Variants in LDB2 observed in about 807,000 individuals in gnomAD.
The protein encoded by LDB2 is LIM domain-binding protein 2.
Under a neutral mutation model 44.3 loss-of-function variants are expected in LDB2, and 12 were observed. That is an observed-to-expected ratio of 0.27 (90% confidence interval 0.17 to 0.44). LDB2 has a LOEUF of 0.44. Ranked by LOEUF, LDB2 falls within the 20% of genes least tolerant of loss-of-function variation. The pLI is 1.00. For synonymous variants in LDB2, 164 were observed against 174.8 expected (o/e 0.94, Z 0.49); for missense variants, 344 against 473.5 (o/e 0.73, Z 2.54).
chr4:16,785,293 G>A (rs1406850730), intron 1 of LDB2, among the ~76,000 whole-genome samples: 1 of 152,130 alleles, frequency 6.6e-6, no homozygotes, highest in East Asian at 1.9e-4. Context: ...AGCAGAGACT[G>A]AAGCAGGCAC....
chr4:16,581,895 GA>G (rs1169222100), intron 5 of LDB2, among the ~76,000 whole-genome samples: 29 of 105,338 alleles, frequency 2.8e-4, no homozygotes, highest in African/African-American at 1.0e-3. Context: ...AGTATTTAAA[GA>G]AAAAAAAAAG....
intron 1 of LDB2, among the ~76,000 whole-genome samples, chr4:16,875,878 C>T (rs1248962333): frequency 6.6e-6 from 1 of 152,242 alleles, no homozygotes; most frequent in Non-Finnish European, 1.5e-5. Flanking sequence ...ACAAAATACC[C>T]TCTATCCTTC....
chr4:16,772,061 A>G (rs989236664), intron 1 of LDB2, among the ~76,000 whole-genome samples: 2 of 152,100 alleles, frequency 1.3e-5, no homozygotes, highest in African/African-American at 4.8e-5. Context: ...CTTCGGGCCC[A>G]GGGCTGCACT....
At chr4:16,883,313 G>A (rs751160615) in intron 1 of LDB2, among the ~76,000 whole-genome samples, 49 of 152,278 alleles carry the variant, frequency 3.2e-4, no homozygotes, top group Middle Eastern at 3.4e-3. Context: ...AGAGAACCTT[G>A]GTGTTCATAG....
chr4:16,763,567 A>G (rs1156658306), intron 1 of LDB2, among the ~76,000 whole-genome samples: 2 of 152,138 alleles, frequency 1.3e-5, no homozygotes, highest in African/African-American at 4.8e-5. Flanking sequence ...AAAATTACTA[A>G]GTGTTGGGTA....
chr4:16,841,083 A>T (rs951490272), intron 1 of LDB2, among the ~76,000 whole-genome samples: 5 of 152,232 alleles, frequency 3.3e-5, no homozygotes, highest in Admixed American at 2.6e-4. Context: ...TGGGTACACC[A>T]CATATGCCCG....
chr4:16,734,679 T>G (rs975418742), intron 2 of LDB2, among the ~76,000 whole-genome samples: 2 of 150,720 alleles, frequency 1.3e-5, no homozygotes, highest in African/African-American at 4.9e-5. Flanking sequence ...GAAGAGCTGC[T>G]GCTGCTTCCC....
intron 2 of LDB2, among the ~76,000 whole-genome samples, chr4:16,632,164 C>T (rs920955119): frequency 3.3e-5 from 5 of 152,186 alleles, no homozygotes; most frequent in East Asian, 3.8e-4. Context: ...CCCTGATGAA[C>T]ATCAATGCAA....
intron 4 of LDB2, among the ~76,000 whole-genome samples, chr4:16,587,989 T>C (rs1339301329): frequency 6.6e-6 from 1 of 152,196 alleles, no homozygotes; most frequent in Non-Finnish European, 1.5e-5. Context: ...ATTAGGCTTA[T>C]GAAGTTTGAT....
At chr4:16,845,829 T>G (rs759007726) in intron 1 of LDB2, among the ~76,000 whole-genome samples, 7 of 152,150 alleles carry the variant, frequency 4.6e-5, no homozygotes, top group Non-Finnish European at 1.0e-4. Context: ...CTAATAAGCC[T>G]GGGCGCGGTG....
At chr4:16,587,905 G>A (rs1008933090) in intron 4 of LDB2, among the ~76,000 whole-genome samples, 1 of 151,896 alleles carries the variant, frequency 6.6e-6, no homozygotes, top group Admixed American at 6.5e-5. Context: ...CTCAAGGCCT[G>A]GCAGAGTAAA....
At chr4:16,614,589 A>C (rs61350435) in intron 2 of LDB2, among the ~76,000 whole-genome samples, 18 of 121,912 alleles carry the variant, frequency 1.5e-4, no homozygotes, top group African/African-American at 2.0e-4. Flanking sequence ...ACAAAAAAAA[A>C]AAAAAAAAAA....
Position 16,502,406 on chromosome 4 carries a change from G to GCCAGTATCTGTATT in LDB2, c.*223_*236dup. Reference sequence around the variant, plus strand: ...TTCTCTCATTTTAATTACAATCAGTGCCAGTATCTGTATTACCTGTGAAGG... The same window carrying GCCAGTATCTGTATT: ...TTCTCTCATTTTAATTACAATCAGTGCCAGTATCTGTATTCCAGTATCTGTATTACCTGTGAAGG... On this transcript the variant is annotated 3_prime_UTR_variant, in exon 8 of 8. Transcript: ENST00000304523. 1 of 540,656 alleles carries GCCAGTATCTGTATT rather than the reference G, an allele frequency of 1.8e-6. No homozygotes were observed. Among genetic ancestry groups the GCCAGTATCTGTATT allele is most frequent in the Non-Finnish European group, 3.3e-6 (1 of 304,104 alleles). The allele number at this position is 540,656 out of a possible 1,614,324, so 33.5% of individuals were successfully genotyped here.
At chr4:16,896,026 A>T (rs1724904116) in intron 1 of LDB2, among the ~76,000 whole-genome samples, 1 of 152,214 alleles carries the variant, frequency 6.6e-6, no homozygotes, top group Non-Finnish European at 1.5e-5. Flanking sequence ...TAGCAAAGAA[A>T]AAAAGAAGTA....
At chr4:16,860,180 GA>G (rs996900045) in intron 1 of LDB2, among the ~76,000 whole-genome samples, 2 of 152,172 alleles carry the variant, frequency 1.3e-5, no homozygotes, top group African/African-American at 4.8e-5. Flanking sequence ...GGTAGCCAGG[GA>G]AATAATGTTA....
intron 2 of LDB2, among the ~76,000 whole-genome samples, chr4:16,686,781 A>G (rs533550068): frequency 1.3e-5 from 2 of 152,336 alleles, no homozygotes; most frequent in East Asian, 3.9e-4. Context: ...TCAGGTTGCC[A>G]GTAGCATATA....
chr4:16,782,471 C>T (rs755692856), intron 1 of LDB2, among the ~76,000 whole-genome samples: 5 of 151,984 alleles, frequency 3.3e-5, no homozygotes, highest in Non-Finnish European at 2.9e-5. Flanking sequence ...CTGCCTCAGC[C>T]TCCCAGGTAG....
intron 5 of LDB2, among the ~76,000 whole-genome samples, chr4:16,512,658 G>T (rs1437589911): frequency 6.6e-6 from 1 of 152,186 alleles, no homozygotes; most frequent in East Asian, 1.9e-4. Context: ...TAGAAAGGTG[G>T]ATGGTGAATA....
intron 3 of LDB2, among the ~76,000 whole-genome samples, chr4:16,592,409 T>C (rs1719324160): frequency 6.7e-6 from 1 of 149,910 alleles, no homozygotes; most frequent in South Asian, 2.1e-4. Flanking sequence ...GCAAAGCTCA[T>C]TGTATTTTCC....
Sources: allele counts gnomAD v4.1 joint callset (sites outside exome capture counted in the v4.1 genomes callset), GRCh38; gene constraint gnomAD v4.1.1; transcripts MANE v1.5; gene names NCBI Gene and HGNC (gene_info 2026-07-23, HGNC 2026-07-21).